Variants in AK9 observed in about 807,000 individuals in gnomAD.
AK9 encodes the protein adenylate kinase 9, also known as adenylate kinase domain containing 1.
A neutral mutation model predicts 239.6 loss-of-function variants in AK9; 191 were observed. That is an observed-to-expected ratio of 0.80 (90% CI 0.71 to 0.90). The LOEUF (loss-of-function observed/expected upper bound fraction) is 0.90, where lower values mean the gene tolerates loss of function less well. Among genes scored for constraint, AK9 ranks in the 40% least tolerant of loss-of-function variants. The probability of loss-of-function intolerance (pLI) is 0.00; values close to 1 mark genes in which losing one functional copy is unlikely to be tolerated. For missense variants in AK9, 1,995 were observed against 2,214.7 expected (o/e 0.90, Z 1.99); for synonymous variants, 689 against 721.0 (o/e 0.96, Z 0.71).
Position 109,564,323 on chromosome 6 carries a change from T to A in AK9, c.2435-43A>T, listed in dbSNP as rs1051196205. 54 of 1,458,810 alleles carry A rather than the reference T, an allele frequency of 3.7e-5. No individual in the cohort carries two copies. In the Admixed American group the frequency reaches 1.3e-3, roughly 36 times the overall value. 90.4% of individuals were successfully genotyped at this position (1,458,810 alleles called of 1,614,324 possible). On this transcript the variant is annotated intron_variant, in intron 22 of 40. Coordinates refer to ENST00000424296, the MANE Select transcript of AK9 (RefSeq NM_001145128.3). ...AAGGAAAGAAAAAAGGGGCTTTAAA[T>A]ATCCTATCTTTAGCCATATTGCCAA...
chr6:109,507,728 T>A (rs1443237492), intron 33 of AK9, among the ~76,000 whole-genome samples: 1 of 152,208 alleles, frequency 6.6e-6, no homozygotes, highest in African/African-American at 2.4e-5. Context: ...TTCCAGCTGT[T>A]AAAGCAAACT....
chr6:109,493,557 C>T lies in AK9; in HGVS notation c.5548G>A (p.Gly1850Ser). 2 of 1,613,260 alleles carry T rather than the reference C, an allele frequency of 1.2e-6. No individual in the cohort carries two copies. Among genetic ancestry groups the T allele is most frequent in the Non-Finnish European group, 1.7e-6 (2 of 1,179,812 alleles). The stretch of plus-strand genomic sequence containing the variant: ...TACTTTTTTCTTGTGTATTCGGAAC[C>T]TTTGGGATTAAATGCTGTAGAAAAT... ...ALHLKAFNPK[G>S]SEYTRKKYKK... Residue 1850 changes from glycine to serine, a missense_variant, in exon 41 of 41, where the codon GGT (glycine) becomes AGT (serine). Physicochemically the swap from Gly to Ser is moderately conservative, Grantham distance 56. This residue lies in a region of AK9 where 391 missense variants were observed against 456.0 expected (regional missense o/e 0.86). Transcript: ENST00000424296.
intron 19 of AK9, among the ~76,000 whole-genome samples, chr6:109,581,267 A>G (rs145784028): frequency 2.6e-5 from 4 of 152,300 alleles, no homozygotes; most frequent in African/African-American, 9.6e-5. Flanking sequence ...CACATTTGTC[A>G]CTTTAAATCA....
intron 8 of AK9, among the ~76,000 whole-genome samples, 199 bp from the exon 9 acceptor site, chr6:109,644,887 C>A (rs1228000345): frequency 6.6e-6 from 1 of 152,104 alleles, no homozygotes; most frequent in East Asian, 1.9e-4. Context: ...ATTTTATTTT[C>A]CTGTTTAAAA....
intron 17 of AK9, among the ~76,000 whole-genome samples, chr6:109,608,663 G>A (rs773892370): frequency 6.6e-6 from 1 of 152,022 alleles, no homozygotes; most frequent in African/African-American, 2.4e-5. Flanking sequence ...TTTTGGGTAG[G>A]CAAATATTTC....
rs1204919343 is a variant in AK9, at chr6:109,514,365, A to G, written c.4138T>C (p.Tyr1380His). 6.4e-7 allele frequency: 1 copy of G among 1,551,066 alleles called. No homozygotes were observed. The highest frequency in any genetic ancestry group is 8.7e-7 in the Non-Finnish European group (1 of 1,146,814). ...NPIYPVIHRQ[Y>H]IYFLSSKETK... ...TCTTTACTAGATAAAAAATAAATAT[A>G]CTGACGATGGATTACAGGATAAATT... The change falls in exon 32 of 41, where the codon TAT becomes CAT. Residue 1380 changes from tyrosine (Y) to histidine (H), a missense_variant. Physicochemically the swap from Tyr to His is moderately conservative, Grantham distance 83 (BLOSUM62 2). Coordinates refer to ENST00000424296, the MANE Select transcript of AK9 (RefSeq NM_001145128.3).
chr6:109,557,127 G>C (rs1785094712), intron 24 of AK9, among the ~76,000 whole-genome samples: 2 of 152,090 alleles, frequency 1.3e-5, no homozygotes, highest in Non-Finnish European at 2.9e-5. Context: ...AGTTTGTCAA[G>C]TTTCAGTCTT....
intron 29 of AK9, chr6:109,528,276 C>T (rs1445318975): frequency 8.7e-6 from 3 of 343,480 alleles, no homozygotes; most frequent in African/African-American, 6.4e-5. Flanking sequence ...TAAACATTAG[C>T]ATGACACCTT....
At chr6:109,526,644 G>C (rs900615415) in intron 29 of AK9, among the ~76,000 whole-genome samples, 2 of 152,290 alleles carry the variant, frequency 1.3e-5, no homozygotes, top group East Asian at 1.9e-4. Flanking sequence ...TAAAAGACCT[G>C]TCAGAGTTCT....
At chr6:109,669,994 A>T (rs979117580) in intron 5 of AK9, among the ~76,000 whole-genome samples, 2 of 152,202 alleles carry the variant, frequency 1.3e-5, no homozygotes, top group African/African-American at 4.8e-5. Flanking sequence ...GCCAGCTCCT[A>T]GGACAAGTAT....
chr6:109,610,661 ACT>A (rs61327523), intron 16 of AK9, 148 bp from the exon 17 acceptor site: 19,812 of 913,124 alleles, frequency 0.022, 584 homozygotes, highest in East Asian at 0.11. Context: ...GAGAAATAAG[ACT>A]CTGGAGAGGA....
At chr6:109,653,380 T>TA (rs1799245919) in intron 8 of AK9, among the ~76,000 whole-genome samples, 1 of 152,288 alleles carries the variant, frequency 6.6e-6, no homozygotes, top group Middle Eastern at 3.4e-3. Flanking sequence ...CAAACTGAGT[T>TA]AAAAAACGGA....
At chr6:109,581,724 T>C (rs1788883077) in intron 19 of AK9, among the ~76,000 whole-genome samples, 1 of 152,216 alleles carries the variant, frequency 6.6e-6, no homozygotes, top group Non-Finnish European at 1.5e-5. Flanking sequence ...CAATAAGTTA[T>C]TTAGAAGACC....
intron 1 of AK9, among the ~76,000 whole-genome samples, chr6:109,684,899 A>AG (rs1773266825): frequency 6.9e-6 from 1 of 144,718 alleles, no homozygotes; most frequent in Admixed American, 6.9e-5. Context: ...AAAAAAAAAA[A>AG]AAAAAAAAAA....
At chr6:109,577,860 C>G (rs1038108421) in intron 20 of AK9, among the ~76,000 whole-genome samples, 1 of 141,940 alleles carries the variant, frequency 7.0e-6, no homozygotes, top group African/African-American at 2.6e-5. Context: ...CTCTCTTTTT[C>G]TTTCTTTCTT....
intron 24 of AK9, among the ~76,000 whole-genome samples, chr6:109,551,464 A>G (rs1047135957): frequency 2.1e-4 from 32 of 150,630 alleles, no homozygotes; most frequent in African/African-American, 7.8e-4. Context: ...GGCTGCAGTG[A>G]GCCGAGATGG....
chr6:109,597,101 C>G (rs1424117504), intron 17 of AK9, among the ~76,000 whole-genome samples: 3 of 152,040 alleles, frequency 2.0e-5, no homozygotes, highest in Admixed American at 2.0e-4. Flanking sequence ...ATCTGTAAAT[C>G]TTTGTCCAAA....
At chr6:109,618,982 G>A (rs1794512239) in intron 13 of AK9, 110 bp downstream of exon 13, 2 of 1,203,562 alleles carry the variant, frequency 1.7e-6, no homozygotes, top group Non-Finnish European at 1.1e-6. Context: ...AGTCTATAAT[G>A]TGTAAAGTGC....
chr6:109,649,476 C>A (rs1430830155), intron 8 of AK9, among the ~76,000 whole-genome samples: 2 of 152,120 alleles, frequency 1.3e-5, no homozygotes, highest in African/African-American at 4.8e-5. Flanking sequence ...AGTGAACTCC[C>A]ATTCACAATT....
Sources: allele counts gnomAD v4.1 joint callset (sites outside exome capture counted in the v4.1 genomes callset), GRCh38; gene constraint gnomAD v4.1.1; regional missense constraint gnomAD v4.1.1; transcripts MANE v1.5; gene names NCBI Gene and HGNC (gene_info 2026-07-23, HGNC 2026-07-21).